Variants in ZNF776 observed in about 807,000 individuals in gnomAD.
ZNF776 encodes zinc finger protein 776.
A neutral mutation model predicts 7.0 loss-of-function variants in ZNF776; 4 were observed. That is an observed-to-expected ratio of 0.57 (90% CI 0.28 to 1.31). ZNF776 has a LOEUF of 1.31. Among genes scored for constraint, ZNF776 ranks in the 50% most tolerant of loss-of-function variants. ZNF776 has a pLI of 0.10. For synonymous variants in ZNF776, 212 were observed against 213.7 expected (o/e 0.99, Z 0.07); for missense variants, 555 against 625.9 (o/e 0.89, Z 1.21).
In ZNF776 at chr19:57,753,886, T is replaced by A; in HGVS notation, c.756T>A (p.Asn252Lys). 1 of 1,614,248 alleles carries A rather than the reference T, an allele frequency of 6.2e-7. No individual in the cohort carries two copies. Among genetic ancestry groups the A allele is most frequent in the Non-Finnish European group, 8.5e-7 (1 of 1,180,050 alleles). The change falls in exon 3 of 3, where the codon AAT (asparagine) becomes AAA (lysine). Residue 252 changes from asparagine (N) to lysine (K), a missense_variant. Physicochemically the swap from Asn to Lys is moderately conservative, Grantham distance 94 (BLOSUM62 0). Transcript: ENST00000317178. ...GKFTSKSNSF[N>K]NHQGVRTGKR... Reference sequence around the variant, plus strand: ...TCACTAGCAAAAGTAATAGTTTTAATAATCATCAGGGAGTTCGCACTGGAA... The same window carrying A: ...TCACTAGCAAAAGTAATAGTTTTAAAAATCATCAGGGAGTTCGCACTGGAA...
chr19:57,747,050 C>G lies in ZNF776; in HGVS notation c.-9C>G. 1 of 1,585,674 alleles carries G rather than the reference C, an allele frequency of 6.3e-7. No homozygotes were observed. Among genetic ancestry groups the G allele is most frequent in the Non-Finnish European group, 8.6e-7 (1 of 1,165,952 alleles). Reference sequence around the variant, plus strand: ...CCTCCTTTCGACCCCGCTTTCCCCACCCAGTCGGATGGCGGCGGCCGCGCT... The same window carrying G: ...CCTCCTTTCGACCCCGCTTTCCCCAGCCAGTCGGATGGCGGCGGCCGCGCT... On this transcript the variant is annotated 5_prime_UTR_variant, in exon 1 of 3. Coordinates refer to ENST00000317178, the MANE Select transcript of ZNF776 (RefSeq NM_173632.4).
rs1036014650 is a variant in ZNF776, at chr19:57,754,670, A to G, written c.1540A>G (p.Arg514Gly). Residue 514 changes from arginine (R) to glycine (G), a missense_variant, in exon 3 of 3, where the codon AGA becomes GGA. Arg to Gly is a moderately radical substitution (Grantham distance 125, BLOSUM62 -2). Transcript: ENST00000317178. ...IKHQRVHTGE[R>G]HHEC is the part of the protein sequence containing the mutation. The stretch of plus-strand genomic sequence containing the variant: ...ACATCAACGAGTTCACACGGGAGAA[A>G]GACATCATGAATGTTGAAAATTTGG... 8.7e-6 allele frequency: 14 copies of G among 1,610,206 alleles called. No homozygotes were observed. Among genetic ancestry groups the G allele is most frequent in the African/African-American group, 1.3e-5 (1 of 74,850 alleles).
In ZNF776 at chr19:57,754,103, T is replaced by G; in HGVS notation, c.973T>G (p.Cys325Gly). 6.2e-7 allele frequency: 1 copy of G among 1,614,100 alleles called. No individual in the cohort carries two copies. The highest frequency in any genetic ancestry group is 8.5e-7 in the Non-Finnish European group (1 of 1,180,000). The change falls in exon 3 of 3, where the codon TGT (cysteine) becomes GGT (glycine). Residue 325 changes from cysteine (C) to glycine (G), a missense_variant. Physicochemically the swap from Cys to Gly is radical, Grantham distance 159. Coordinates refer to ENST00000317178, the MANE Select transcript of ZNF776 (RefSeq NM_173632.4). ...TGERPYECDE[C>G]GKSFSHKRSL... is the part of the protein sequence containing the mutation. Reference sequence around the variant, plus strand: ...AGAAAGACCTTATGAATGTGACGAATGTGGGAAATCTTTTAGCCATAAGCG... The same window carrying G: ...AGAAAGACCTTATGAATGTGACGAAGGTGGGAAATCTTTTAGCCATAAGCG...
rs747005562 is a variant in ZNF776 at position 57,753,409 on chromosome 19, A to C, written c.279A>C (p.Gly93=). ...GVCTKKVHLW[G]MCGPLLGDIL... ...GTACCAAGAAGGTCCACCTCTGGGG[A>C]ATGTGTGGCCCTCTCCTGGGAGATA... Residue 93 remains glycine (G), a synonymous_variant, in exon 3 of 3, where the codon GGA becomes GGC. Coordinates refer to ENST00000317178, the MANE Select transcript of ZNF776 (RefSeq NM_173632.4). 4 of 1,614,106 alleles carry C rather than the reference A, an allele frequency of 2.5e-6. No individual in the cohort carries two copies. The highest frequency in any genetic ancestry group is 3.4e-6 in the Non-Finnish European group (4 of 1,180,058).
At chr19:57,752,769 C>G (rs777816366) in intron 2 of ZNF776, among the ~76,000 whole-genome samples, 1 of 152,208 alleles carries the variant, frequency 6.6e-6, no homozygotes, top group Non-Finnish European at 1.5e-5. Flanking sequence ...CCATTTTTCT[C>G]ACATTTCCAT....
In ZNF776 at chr19:57,746,941, T is replaced by G; in HGVS notation, c.-118T>G. On this transcript the variant is annotated 5_prime_UTR_variant, in exon 1 of 3. Transcript: ENST00000317178. ...TGTCCCGACTGCACAGAGGCTGCTC[T>G]GCAGCTCCTTAAAGGCGCTAGGCGT... 1 of 1,065,974 alleles carries G rather than the reference T, an allele frequency of 9.4e-7. No homozygotes were observed. Among genetic ancestry groups the G allele is most frequent in the South Asian group, 1.6e-5 (1 of 61,396 alleles). The allele number at this position is 1,065,974 out of a possible 1,614,324, so 66.0% of individuals were successfully genotyped here.
chr19:57,753,014 T>TA (rs1986650590), intron 2 of ZNF776, among the ~76,000 whole-genome samples: 1 of 152,226 alleles, frequency 6.6e-6, no homozygotes, highest in Non-Finnish European at 1.5e-5. Context: ...AGGTTGAAGA[T>TA]AAGTCTTCTT....
chr19:57,754,295 TC>T lies in ZNF776; in HGVS notation c.1168del (p.His390ThrfsTer2), dbSNP rs1269547415. 1 of 1,610,198 alleles carries T rather than the reference TC, an allele frequency of 6.2e-7. No homozygotes were observed. The highest frequency in any genetic ancestry group is 1.4e-5 in the African/African-American group (1 of 73,578). On this transcript the variant is annotated frameshift_variant, in exon 3 of 3. Coordinates refer to ENST00000317178, the MANE Select transcript of ZNF776 (RefSeq NM_173632.4). LOFTEE classifies it low-confidence loss of function (END_TRUNC). ...ATGTGGGAAGTTATTTAGGAGCAAC[TC>T]CCACCTAAAGGAACACCAGAGAGTT... is the stretch of plus-strand genomic sequence containing the variant. ...TACGKLFRSN[S>X]HLKEHQRVHT...
rs145039782 is a variant in ZNF776 at position 57,754,149 on chromosome 19, G to A, written c.1019G>A (p.Arg340Gln). 189 of 1,614,012 alleles carry A rather than the reference G, an allele frequency of 1.2e-4. No individual in the cohort carries two copies. Among genetic ancestry groups the A allele is most frequent in the Admixed American group, 2.2e-4 (13 of 60,002 alleles). Residue 340 changes from arginine (R) to glutamine (Q), a missense_variant, in exon 3 of 3, where the codon CGA becomes CAA. Physicochemically the swap from Arg to Gln is conservative, Grantham distance 43 (BLOSUM62 1). Transcript: ENST00000317178. Reference sequence around the variant, plus strand: ...AAGCGCAGCCTTGTTCACCACCAGCGAGTTCACACTGGAGAAAGACCTTAT... The same window carrying A: ...AAGCGCAGCCTTGTTCACCACCAGCAAGTTCACACTGGAGAAAGACCTTAT... Reference protein sequence around the residue: ...SHKRSLVHHQRVHTGERPYQC... With the variant: ...SHKRSLVHHQQVHTGERPYQC...
At chr19:57,750,982 A>G (rs900621031) in intron 2 of ZNF776, 71 bp downstream of exon 2, 45 of 1,506,758 alleles carry the variant, frequency 3.0e-5, no homozygotes, top group African/African-American at 4.2e-5. Context: ...TCCCCATGGC[A>G]AGACTGTTTT....
At position 57,753,594 on chromosome 19, in the gene ZNF776, G is replaced by A. The variant is rs372947500; in HGVS notation, c.464G>A (p.Cys155Tyr). 4.3e-5 allele frequency: 70 copies of A among 1,614,070 alleles called. No individual in the cohort carries two copies. Among genetic ancestry groups the A allele is most frequent in the Non-Finnish European group, 5.8e-5 (68 of 1,180,046 alleles). Residue 155 changes from cysteine (C) to tyrosine (Y), a missense_variant, in exon 3 of 3, where the codon TGT becomes TAT. Cys to Tyr is a radical substitution (Grantham distance 194). Transcript: ENST00000317178. ...AAGGGAACATCTTTTGTAAAGAACT[G>A]TAAATTCCATATGTCACATGAGCCA... ...NAKGTSFVKN[C>Y]KFHMSHEPFI...
chr19:57,747,621 G>C (rs900655240), intron 1 of ZNF776, among the ~76,000 whole-genome samples: 2 of 152,090 alleles, frequency 1.3e-5, no homozygotes, highest in African/African-American at 4.8e-5. Flanking sequence ...CAACCAACTC[G>C]CGTTTACCTA....
Position 57,754,122 on chromosome 19 carries a change from A to G in ZNF776, c.992A>G (p.His331Arg). 6.2e-7 allele frequency: 1 copy of G among 1,614,068 alleles called. No individual in the cohort carries two copies. The highest frequency in any genetic ancestry group is 8.5e-7 in the Non-Finnish European group (1 of 1,179,956). Residue 331 changes from histidine to arginine, a missense_variant, in exon 3 of 3, where the codon CAT becomes CGT. By Grantham distance (29) the His-to-Arg change is conservative. Transcript: ENST00000317178. The stretch of plus-strand genomic sequence containing the variant: ...GACGAATGTGGGAAATCTTTTAGCC[A>G]TAAGCGCAGCCTTGTTCACCACCAG... The part of the protein sequence containing the change: ...ECDECGKSFS[H>R]KRSLVHHQRV...
Position 57,755,370 on chromosome 19 carries a change from G to A in ZNF776, c.*683G>A, listed in dbSNP as rs1050429804. ...TGAAGTAAATTTGGAAAATTGATTA[G>A]TCAAACCTCTATGCTCCTTCAAAAT... On this transcript the variant is annotated 3_prime_UTR_variant, in exon 3 of 3. Transcript: ENST00000317178. The A allele has an allele frequency of 6.6e-6, 1 of 152,352 alleles. No individual in the cohort carries two copies. Among genetic ancestry groups the A allele is most frequent in the Admixed American group, 6.5e-5 (1 of 15,294 alleles). The allele number at this position is 152,352 out of a possible 1,614,324, so 9.4% of individuals were successfully genotyped here.
chr19:57,749,073 A>G (rs1157195795), intron 1 of ZNF776: 1 of 151,858 alleles, frequency 6.6e-6, no homozygotes, highest in Non-Finnish European at 1.5e-5. Flanking sequence ...GGTTCAAGTG[A>G]TTCTCCTGCC....
intron 2 of ZNF776, among the ~76,000 whole-genome samples, chr19:57,752,876 G>A (rs1986647105): frequency 1.3e-5 from 2 of 152,296 alleles, no homozygotes. Context: ...TGTTGTACTC[G>A]TATTTTCTTG....
At chr19:57,751,868 G>GTTTTTTTTTTTTTTTT (rs768825787) in intron 2 of ZNF776, among the ~76,000 whole-genome samples, 2 of 67,506 alleles carry the variant, frequency 3.0e-5, no homozygotes, top group African/African-American at 1.1e-4. Context: ...TTTTGGTTTT[G>GTTTTTTTTTTTTTTTT]TTTTTTTTTT....
In ZNF776 at chr19:57,753,787, C is replaced by T; in HGVS notation, c.657C>T (p.Asn219=). 1 of 1,614,192 alleles carries T rather than the reference C, an allele frequency of 6.2e-7. No homozygotes were observed. Among genetic ancestry groups the T allele is most frequent in the East Asian group, 2.2e-5 (1 of 44,888 alleles). Residue 219 remains asparagine, a synonymous_variant, in exon 3 of 3, where the codon AAC becomes AAT. Coordinates refer to ENST00000317178, the MANE Select transcript of ZNF776 (RefSeq NM_173632.4). Reference sequence around the variant, plus strand: ...GAGAGTCCACAATACCGTTTAGCAACAAACACTCACTTGTCCTTCACCAGA... The same window carrying T: ...GAGAGTCCACAATACCGTTTAGCAATAAACACTCACTTGTCCTTCACCAGA... The part of the protein sequence containing the change: ...ICGESTIPFS[N]KHSLVLHQRL...
rs1326120149 is a variant in ZNF776 at position 57,753,443 on chromosome 19, C to G, written c.313C>G (p.Gln105Glu). 6 of 1,614,060 alleles carry G rather than the reference C, an allele frequency of 3.7e-6. No homozygotes were observed. The Admixed American group carries it at 6.7e-5, about 18-fold the overall frequency. The change falls in exon 3 of 3, where the codon CAG becomes GAG. Residue 105 changes from glutamine (Q) to glutamate (E), a missense_variant. By Grantham distance (29) the Gln-to-Glu change is conservative. Coordinates refer to ENST00000317178, the MANE Select transcript of ZNF776 (RefSeq NM_173632.4). ...CGPLLGDILHQGTQHNQKLNG... is the reference protein window; with the variant it reads ...CGPLLGDILHEGTQHNQKLNG... ...CCCTCTCCTGGGAGATATCTTACAC[C>G]AGGGAACACAACACAATCAGAAATT... is the stretch of plus-strand genomic sequence containing the variant.
Sources: allele counts gnomAD v4.1 joint callset (sites outside exome capture counted in the v4.1 genomes callset), GRCh38; gene constraint gnomAD v4.1.1; transcripts MANE v1.5; gene names NCBI Gene and HGNC (gene_info 2026-07-23, HGNC 2026-07-21).